Variants in CLCN3 observed in about 807,000 individuals in gnomAD.
CLCN3 encodes H(+)/Cl(-) exchange transporter 3.
CLCN3 carries 16 observed loss-of-function variants against 83.4 expected under a neutral mutation model. The ratio of observed to expected loss-of-function variants is 0.19; its 90% confidence interval spans 0.13 to 0.29. The LOEUF (loss-of-function observed/expected upper bound fraction) is 0.29, where lower values mean the gene tolerates loss of function less well. Ranked by LOEUF, CLCN3 falls within the 10% of genes least tolerant of loss-of-function variation. The pLI, the probability that CLCN3 is intolerant of heterozygous loss-of-function variation, is 1.00. For synonymous variants in CLCN3, 322 were observed against 346.2 expected (o/e 0.93, Z 0.78); for missense variants, 544 against 1,006.0 (o/e 0.54, Z 6.21).
intron 2 of CLCN3, among the ~76,000 whole-genome samples, chr4:169,644,575 T>C (rs934761346): frequency 2.0e-5 from 3 of 152,200 alleles, no homozygotes; most frequent in African/African-American, 7.2e-5. Context: ...TTGGTGCCAC[T>C]GTTTTGATTT....
Position 169,652,389 on chromosome 4 carries a change from A to C in CLCN3, c.160+16301A>C, listed in dbSNP as rs543500488. 1.3e-3 allele frequency among the ~76,000 whole-genome samples: 193 copies of C among 152,326 alleles called. 1 individual carries two copies. The highest frequency in any genetic ancestry group is 2.5e-3 in the Non-Finnish European group (171 of 68,014). ...GAAAGTTAAGTAAATGGAATCATAT[A>C]GTGTATATGTCTTTGTTTCTTGGTT... is the stretch of plus-strand genomic sequence containing the variant. On this transcript the variant is annotated intron_variant, in intron 2 of 12. Transcript: ENST00000513761.
At chr4:169,623,973 T>A (rs1193069866) in intron 1 of CLCN3, among the ~76,000 whole-genome samples, 1 of 152,162 alleles carries the variant, frequency 6.6e-6, no homozygotes, top group Non-Finnish European at 1.5e-5. Flanking sequence ...ATCACTGTAT[T>A]GGAAGAAAGA....
chr4:169,699,488 A>G (rs1732692600), intron 9 of CLCN3, among the ~76,000 whole-genome samples: 1 of 152,216 alleles, frequency 6.6e-6, no homozygotes, highest in Non-Finnish European at 1.5e-5. Flanking sequence ...ATGTGGAATA[A>G]CAGCTTTGTT....
chr4:169,684,975 A>AT (rs34668119), intron 3 of CLCN3, among the ~76,000 whole-genome samples: 3,690 of 127,922 alleles, frequency 0.029, 144 homozygotes, highest in African/African-American at 0.094. Flanking sequence ...TGCCTGGCTA[A>AT]TTTTTTTTTT....
rs1323614799 is a variant in CLCN3, at chr4:169,720,903, CA to C, written c.*909del. 1 of 152,620 alleles carries C rather than the reference CA, an allele frequency of 6.6e-6. No individual in the cohort carries two copies. Among genetic ancestry groups the C allele is most frequent in the African/African-American group, 2.4e-5 (1 of 41,450 alleles). The allele number at this position is 152,620 out of a possible 1,614,324, so 9.5% of individuals were successfully genotyped here. On this transcript the variant is annotated 3_prime_UTR_variant, in exon 13 of 13. Transcript: ENST00000513761. ...ATGGATAATGTGACCGGGTCTTATG[CA>C]AATTTTCTATTTCTAAAACTACTAC...
At chr4:169,698,564 C>T (rs2150257281) in intron 9 of CLCN3, among the ~76,000 whole-genome samples, 1 of 152,236 alleles carries the variant, frequency 6.6e-6, no homozygotes. Flanking sequence ...TTATTCTATT[C>T]ATTGAGGCAG....
chr4:169,676,220 C>G (rs569795417), intron 2 of CLCN3, among the ~76,000 whole-genome samples: 1 of 152,240 alleles, frequency 6.6e-6, no homozygotes, highest in South Asian at 2.1e-4. Context: ...ATATATTGAT[C>G]AACCTTATTC....
At position 169,720,559 on chromosome 4, in the gene CLCN3, T is replaced by TCTCTCTCTCTCTCTCTCTCTCTCTC. The variant is rs1733600716; in HGVS notation, c.*562_*563insCTCTCTCTCTCTCTCTCTCTCTCTC. On this transcript the variant is annotated 3_prime_UTR_variant, in exon 13 of 13. Coordinates refer to ENST00000513761, the MANE Select transcript of CLCN3 (RefSeq NM_001829.4). ...CTCTCTCTCTCTCTCTCTCTCTCTC[T>TCTCTCTCTCTCTCTCTCTCTCTCTC]ACTGAGCTGTAACAAAGCCTCTTTA... The TCTCTCTCTCTCTCTCTCTCTCTCTC allele has an allele frequency of 1.4e-5, 2 of 146,380 alleles. No homozygotes were observed. Among genetic ancestry groups the TCTCTCTCTCTCTCTCTCTCTCTCTC allele is most frequent in the South Asian group, 2.2e-4 (1 of 4,622 alleles). The allele number at this position is 146,380 out of a possible 1,614,324, so 9.1% of individuals were successfully genotyped here.
At chr4:169,692,434 T>G in intron 7 of CLCN3, 114 bp downstream of exon 7, 1 of 439,004 alleles carries the variant, frequency 2.3e-6, no homozygotes, top group Non-Finnish European at 3.8e-6. Flanking sequence ...TAAAAAATTT[T>G]GAGATTTGTG....
At chr4:169,660,260 T>C (rs1485568825) in intron 2 of CLCN3, 1 of 1,257,586 alleles carries the variant, frequency 8.0e-7, no homozygotes, top group Non-Finnish European at 1.0e-6. Flanking sequence ...CCTCATCAAA[T>C]ATGGCATCTC....
At chr4:169,706,131 C>T (rs572328366) in intron 10 of CLCN3, among the ~76,000 whole-genome samples, 4 of 152,070 alleles carry the variant, frequency 2.6e-5, no homozygotes, top group Middle Eastern at 3.2e-3. Context: ...CCAGCCCAAA[C>T]GAGCCTCCCA....
intron 2 of CLCN3, among the ~76,000 whole-genome samples, chr4:169,674,578 CT>C (rs934638273): frequency 2.0e-4 from 30 of 152,142 alleles, no homozygotes; most frequent in African/African-American, 7.2e-4. Context: ...TAAGATTGAG[CT>C]TTTGAGTATG....
At chr4:169,671,305 G>A (rs1284413729) in intron 2 of CLCN3, among the ~76,000 whole-genome samples, 1 of 152,142 alleles carries the variant, frequency 6.6e-6, no homozygotes, top group Non-Finnish European at 1.5e-5. Context: ...CAGGGACATG[G>A]ATGAAGCTGG....
intron 9 of CLCN3, among the ~76,000 whole-genome samples, chr4:169,703,750 C>G (rs994806864): frequency 2.6e-5 from 4 of 151,292 alleles, no homozygotes; most frequent in African/African-American, 9.7e-5. Context: ...CTTGAGCTAC[C>G]TTGAGCTAAA....
chr4:169,717,581 G>A (rs1733473358), intron 12 of CLCN3, among the ~76,000 whole-genome samples: 2 of 151,956 alleles, frequency 1.3e-5, no homozygotes, highest in Non-Finnish European at 2.9e-5. Flanking sequence ...CACCAATATT[G>A]AAGATTAGTA....
intron 11 of CLCN3, among the ~76,000 whole-genome samples, chr4:169,709,325 T>C (rs2150269976): frequency 6.6e-6 from 1 of 151,780 alleles, no homozygotes; most frequent in East Asian, 1.9e-4. Context: ...TTGTAAAATA[T>C]TAAATTCAAA....
chr4:169,719,638 C>T (rs1444814361), intron 12 of CLCN3, among the ~76,000 whole-genome samples: 2 of 151,564 alleles, frequency 1.3e-5, no homozygotes, highest in African/African-American at 4.9e-5. Context: ...ATACATTAAT[C>T]AAAATAGCTC....
chr4:169,713,019 A>G (rs751342471), intron 11 of CLCN3, 60 bp from the exon 12 acceptor site: 4 of 1,210,050 alleles, frequency 3.3e-6, no homozygotes, highest in Non-Finnish European at 4.8e-6. Context: ...CTGAATAAAC[A>G]GGTTGCCTAC....
chr4:169,694,807 C>T, intron 7 of CLCN3, among the ~76,000 whole-genome samples: 1 of 151,998 alleles, frequency 6.6e-6, no homozygotes, highest in East Asian at 1.9e-4. Flanking sequence ...CCATTGCACT[C>T]CAGCCTGAGA....
Sources: gnomAD v4.1 joint callset for allele counts (sites outside exome capture counted in the v4.1 genomes callset) on GRCh38, gnomAD v4.1.1 for gene constraint, MANE v1.5 for transcripts, NCBI Gene and HGNC (gene_info 2026-07-23, HGNC 2026-07-21) for gene names.